The following MXD1 variants were observed in gnomAD, a reference collection of about 807,000 sequenced individuals.
The protein encoded by MXD1 is MAX-binding protein.
MXD1 carries 9 observed loss-of-function variants against 25.7 expected under a neutral mutation model. The observed-to-expected ratio is 0.35, with a 90% CI of 0.21 to 0.61. The LOEUF (loss-of-function observed/expected upper bound fraction) is 0.61, where lower values mean the gene tolerates loss of function less well. MXD1 is among the 20% of genes least tolerant of loss of function. The pLI is 0.75. For missense variants in MXD1, 227 were observed against 292.4 expected (o/e 0.78, Z 1.63); for synonymous variants, 99 against 113.9 (o/e 0.87, Z 0.83).
chr2:69,935,235 A>G (rs560211306), intron 3 of MXD1, 116 bp from the exon 4 acceptor site: 1 of 699,906 alleles, frequency 1.4e-6, no homozygotes, highest in East Asian at 2.7e-5. Flanking sequence ...GGTCATTGGT[A>G]GCATTTGCCA....
At chr2:69,922,215 G>T (rs1386704430) in intron 3 of MXD1, among the ~76,000 whole-genome samples, 11 of 152,180 alleles carry the variant, frequency 7.2e-5, no homozygotes, top group Admixed American at 3.9e-4. Context: ...ACTTGTGAAT[G>T]AAGAGTCTCA....
chr2:69,936,978 T>C, intron 4 of MXD1: 1 of 600,460 alleles, frequency 1.7e-6, no homozygotes, highest in East Asian at 3.8e-5. Flanking sequence ...GCTACCAGGG[T>C]GCCAGTATGT....
intron 3 of MXD1, among the ~76,000 whole-genome samples, chr2:69,933,050 T>C (rs1677330379): frequency 6.6e-6 from 1 of 151,728 alleles, no homozygotes; most frequent in Non-Finnish European, 1.5e-5. Flanking sequence ...AATACAAAAA[T>C]TAGCCGGACG....
intron 3 of MXD1, among the ~76,000 whole-genome samples, chr2:69,923,670 T>C (rs1677115979): frequency 6.6e-6 from 1 of 152,218 alleles, no homozygotes; most frequent in African/African-American, 2.4e-5. Context: ...AATTGTTCTA[T>C]GATTGTGACT....
At position 69,938,537 on chromosome 2, in the gene MXD1, A is replaced by G; in HGVS notation, c.*253A>G. On this transcript the variant is annotated 3_prime_UTR_variant, in exon 6 of 6. Coordinates refer to ENST00000264444, the MANE Select transcript of MXD1 (RefSeq NM_002357.4). Reference sequence around the variant, plus strand: ...CATTCCAATCAATTTGAAGCATCCAAGAATTCTTAGACCGAATAAGCAATG... The same window carrying G: ...CATTCCAATCAATTTGAAGCATCCAGGAATTCTTAGACCGAATAAGCAATG... The G allele has an allele frequency of 2.3e-6, 1 of 441,014 alleles. No homozygotes were observed. The highest frequency in any genetic ancestry group is 4.1e-6 in the Non-Finnish European group (1 of 243,216). 27.3% of individuals were successfully genotyped at this position (441,014 alleles called of 1,614,324 possible). A position where few individuals can be genotyped will look rare whatever the true frequency, so the allele number is the denominator to read the frequency against.
intron 3 of MXD1, among the ~76,000 whole-genome samples, chr2:69,934,482 T>G (rs565198885): frequency 1.3e-3 from 201 of 152,288 alleles, no homozygotes; most frequent in Non-Finnish European, 2.3e-3. Context: ...TCCGTGCCAT[T>G]GCATCAGTCT....
chr2:69,935,999 C>T lies in MXD1; in HGVS notation c.318+534C>T, dbSNP rs75943912. ...GCCTGGTCCTCACTTGCCTCTGCAG[C>T]ACCATCTTGTTCCCCAATTCCCCTT... On this transcript the variant is annotated intron_variant, in intron 4 of 5. Coordinates refer to ENST00000264444, the MANE Select transcript of MXD1 (RefSeq NM_002357.4). 7.5e-3 allele frequency among the ~76,000 whole-genome samples: 1,143 copies of T among 152,238 alleles called. 15 individuals carry two copies. The highest frequency in any genetic ancestry group is 0.025 in the African/African-American group (1,057 of 41,544).
intron 3 of MXD1, among the ~76,000 whole-genome samples, chr2:69,926,592 C>G (rs905288817): frequency 2.0e-5 from 3 of 152,212 alleles, no homozygotes; most frequent in Non-Finnish European, 4.4e-5. Flanking sequence ...GTTTTCCACA[C>G]AGGTCTTATA....
At position 69,937,089 on chromosome 2, in the gene MXD1, C is replaced by G. The variant is rs528974540; in HGVS notation, c.319-146C>G. The G allele has an allele frequency of 5.4e-5, 58 of 1,068,158 alleles. No homozygotes were observed. The African/African-American group carries it at 8.2e-4, about 15-fold the overall frequency. 66.2% of individuals were successfully genotyped at this position (1,068,158 alleles called of 1,614,324 possible). ...CAGGAGTCACTGGCCAGTCGACTTC[C>G]TGTCTCAGGGAGAAGCTTGATGAGT... On this transcript the variant is annotated intron_variant, in intron 4 of 5. Transcript: ENST00000264444.
chr2:69,919,946 G>C (rs1191354214), intron 2 of MXD1, among the ~76,000 whole-genome samples: 2 of 152,150 alleles, frequency 1.3e-5, no homozygotes, highest in African/African-American at 4.8e-5. Context: ...AAAGTGCTGA[G>C]ATTACAGGTC....
chr2:69,935,336 G>A lies in MXD1; in HGVS notation c.204-15G>A, dbSNP rs1447358772. The A allele has an allele frequency of 3.1e-6, 5 of 1,591,700 alleles. No homozygotes were observed. The highest frequency in any genetic ancestry group is 3.4e-6 in the Non-Finnish European group (4 of 1,159,922). On this transcript the variant is annotated splice_polypyrimidine_tract_variant and intron_variant, in intron 3 of 5. Transcript: ENST00000264444. ...TGTGAAACTCTCAAATGCTACTGTGGTCTTGTTTTCATAGACGGGCTCATC... is the reference window on the plus strand; with the variant it reads ...TGTGAAACTCTCAAATGCTACTGTGATCTTGTTTTCATAGACGGGCTCATC...
In MXD1 at chr2:69,937,218, A is replaced by G; in HGVS notation, c.319-17A>G. 2 of 1,611,684 alleles carry G rather than the reference A, an allele frequency of 1.2e-6. No homozygotes were observed. Among genetic ancestry groups the G allele is most frequent in the Non-Finnish European group, 8.5e-7 (1 of 1,178,306 alleles). ...GATCTCCCTGTGGGGCCCAACAACT[A>G]CCCCTTTGACTTGCAGAAACTTGAA... is the stretch of plus-strand genomic sequence containing the variant. On this transcript the variant is annotated splice_polypyrimidine_tract_variant and intron_variant, in intron 4 of 5. Coordinates refer to ENST00000264444, the MANE Select transcript of MXD1 (RefSeq NM_002357.4).
intron 3 of MXD1, among the ~76,000 whole-genome samples, chr2:69,932,436 A>T (rs1413497675): frequency 6.6e-6 from 1 of 152,220 alleles, no homozygotes; most frequent in East Asian, 1.9e-4. Context: ...GCATGTGGGC[A>T]GGGGGCAGCC....
At chr2:69,922,082 C>T (rs746993913) in intron 3 of MXD1, among the ~76,000 whole-genome samples, 1 of 152,208 alleles carries the variant, frequency 6.6e-6, no homozygotes, top group African/African-American at 2.4e-5. Context: ...AAATTACATG[C>T]TACTGAATAT....
chr2:69,935,560 C>A, intron 4 of MXD1, 95 bp downstream of exon 4: 1 of 800,958 alleles, frequency 1.2e-6, no homozygotes, highest in Non-Finnish European at 2.1e-6. Context: ...CCCTGAACTC[C>A]TCCAGTCTAG....
chr2:69,933,068 G>A (rs1259109783), intron 3 of MXD1, among the ~76,000 whole-genome samples: 4 of 151,440 alleles, frequency 2.6e-5, no homozygotes, highest in African/African-American at 4.8e-5. Context: ...ACGTGGTGGC[G>A]GGCGCCTGTA....
In MXD1 at chr2:69,938,959, CACAA is replaced by C. The variant is rs1677530883; in HGVS notation, c.*681_*684del. 1 of 152,642 alleles carries C rather than the reference CACAA, an allele frequency of 6.6e-6. No homozygotes were observed. Among genetic ancestry groups the C allele is most frequent in the Non-Finnish European group, 1.5e-5 (1 of 68,046 alleles). 9.5% of individuals were successfully genotyped at this position (152,642 alleles called of 1,614,324 possible). ...ATCAAAGTTCCAAATTGTTTGTTCT[CACAA>C]ACAAAACGGTACAATCTATTTTTGT... On this transcript the variant is annotated 3_prime_UTR_variant, in exon 6 of 6. Coordinates refer to ENST00000264444, the MANE Select transcript of MXD1 (RefSeq NM_002357.4).
chr2:69,920,138 G>A (rs989891546), intron 2 of MXD1, among the ~76,000 whole-genome samples: 6 of 152,088 alleles, frequency 3.9e-5, no homozygotes, highest in Admixed American at 2.0e-4. Flanking sequence ...ACAGGCACGC[G>A]CCACCACGCC....
At chr2:69,935,953 G>T (rs1034798351) in intron 4 of MXD1, among the ~76,000 whole-genome samples, 5 of 152,014 alleles carry the variant, frequency 3.3e-5, no homozygotes, top group Non-Finnish European at 7.4e-5. Context: ...CTGTCACCTG[G>T]TCTGCCCCAG....
Sources: gnomAD v4.1 joint callset for allele counts (sites outside exome capture counted in the v4.1 genomes callset) on GRCh38, gnomAD v4.1.1 for gene constraint, MANE v1.5 for transcripts, NCBI Gene and HGNC (gene_info 2026-07-23, HGNC 2026-07-21) for gene names.